ACOXL: variants seen among roughly 807,000 people sequenced by gnomAD.
The protein encoded by ACOXL is acyl-coenzyme A oxidase-like protein.
ACOXL carries 70 observed loss-of-function variants against 71.9 expected under a neutral mutation model. The observed-to-expected ratio is 0.97, with a 90% confidence interval of 0.80 to 1.19. The LOEUF is 1.19. Among genes scored for constraint, ACOXL ranks in the 50% most tolerant of loss-of-function variants. The pLI, the probability that ACOXL is intolerant of heterozygous loss-of-function variation, is 0.00. For missense variants in ACOXL, 703 were observed against 736.3 expected (o/e 0.95, Z 0.52); for synonymous variants, 253 against 281.6 (o/e 0.90, Z 1.02).
At chr2:110,783,934 T>C (rs537642166) in intron 2 of ACOXL, among the ~76,000 whole-genome samples, 2 of 152,338 alleles carry the variant, frequency 1.3e-5, no homozygotes, top group African/African-American at 4.8e-5. Context: ...CATTTGTCAC[T>C]GGTGGAGAAG....
At chr2:110,869,857 C>T (rs1413114400) in intron 10 of ACOXL, among the ~76,000 whole-genome samples, 1 of 152,256 alleles carries the variant, frequency 6.6e-6, no homozygotes, top group Non-Finnish European at 1.5e-5. Flanking sequence ...CCTGTGTGAA[C>T]CTAGCCACTG....
chr2:111,092,719 A>G (rs374754567), intron 16 of ACOXL, 146 bp from the exon 17 acceptor site: 70 of 610,904 alleles, frequency 1.1e-4, no homozygotes, highest in African/African-American at 9.6e-4. Flanking sequence ...CACATCCAAA[A>G]CATGGCCATT....
intron 11 of ACOXL, among the ~76,000 whole-genome samples, chr2:110,909,603 T>C (rs1365854662): frequency 6.6e-6 from 1 of 152,088 alleles, no homozygotes; most frequent in Admixed American, 6.6e-5. Context: ...GCAATTTTGC[T>C]TCTCAGTGTT....
At chr2:110,842,637 G>A (rs943407988) in intron 10 of ACOXL, among the ~76,000 whole-genome samples, 1 of 152,158 alleles carries the variant, frequency 6.6e-6, no homozygotes, top group African/African-American at 2.4e-5. Flanking sequence ...AACTGGGTGG[G>A]GGATTGGGGA....
chr2:110,898,896 G>A (rs972918603), intron 10 of ACOXL, among the ~76,000 whole-genome samples: 3 of 151,920 alleles, frequency 2.0e-5, no homozygotes, highest in South Asian at 4.2e-4. Context: ...AAAGTCATAG[G>A]GTGCAAAAAT....
intron 9 of ACOXL, among the ~76,000 whole-genome samples, chr2:110,828,576 G>A (rs1241435140): frequency 1.3e-5 from 2 of 152,328 alleles, no homozygotes; most frequent in African/African-American, 2.4e-5. Flanking sequence ...AAGAGACAGA[G>A]TGTGAGCGTT....
At chr2:110,917,956 A>G (rs190583150) in intron 11 of ACOXL, among the ~76,000 whole-genome samples, 48 of 152,332 alleles carry the variant, frequency 3.2e-4, no homozygotes, top group African/African-American at 1.2e-3. Flanking sequence ...GGAAGAATCA[A>G]TTTGTCGTGA....
intron 11 of ACOXL, among the ~76,000 whole-genome samples, chr2:110,922,745 C>CAAATG (rs1574135742): frequency 1.3e-5 from 2 of 152,134 alleles, no homozygotes; most frequent in East Asian, 3.8e-4. Context: ...GAGACGTAGA[C>CAAATG]AAATGTCACA....
At chr2:111,009,649 A>C (rs1386404300) in intron 14 of ACOXL, among the ~76,000 whole-genome samples, 3 of 152,226 alleles carry the variant, frequency 2.0e-5, no homozygotes, top group African/African-American at 7.2e-5. Flanking sequence ...ATACCACTCA[A>C]ATCCATGACT....
chr2:110,983,265 G>T (rs1188965707), intron 12 of ACOXL, among the ~76,000 whole-genome samples: 1 of 152,184 alleles, frequency 6.6e-6, no homozygotes, highest in African/African-American at 2.4e-5. Context: ...GGAAATGCTG[G>T]TTGCTTCATA....
At chr2:110,755,444 A>C (rs904506901) in intron 1 of ACOXL, among the ~76,000 whole-genome samples, 11 of 152,212 alleles carry the variant, frequency 7.2e-5, no homozygotes, top group Non-Finnish European at 1.3e-4. Context: ...AAGATTGTTA[A>C]ATGTGGCGGT....
At chr2:111,048,603 T>C (rs957436483) in intron 15 of ACOXL, among the ~76,000 whole-genome samples, 2 of 152,208 alleles carry the variant, frequency 1.3e-5, no homozygotes, top group African/African-American at 2.4e-5. Context: ...GTAAATTTTC[T>C]AGATTAATAT....
intron 17 of ACOXL, among the ~76,000 whole-genome samples, chr2:111,095,929 CT>C (rs2068776655): frequency 1.3e-5 from 2 of 152,212 alleles, no homozygotes. Flanking sequence ...CAAATCCTTC[CT>C]TTCCCACTGC....
chr2:110,841,324 A>G (rs1691149734), intron 9 of ACOXL, 47 bp from the exon 10 acceptor site: 1 of 1,459,254 alleles, frequency 6.9e-7, no homozygotes, highest in Non-Finnish European at 9.5e-7. Flanking sequence ...TGAATTCTGC[A>G]TACTCTTGAT....
At chr2:111,018,722 G>A (rs1476961335) in intron 14 of ACOXL, among the ~76,000 whole-genome samples, 2 of 151,834 alleles carry the variant, frequency 1.3e-5, no homozygotes, top group Non-Finnish European at 1.5e-5. Context: ...GGGGGTGTTG[G>A]TGGGACTTGG....
At chr2:110,843,530 T>C (rs1017973019) in intron 10 of ACOXL, among the ~76,000 whole-genome samples, 2 of 152,186 alleles carry the variant, frequency 1.3e-5, no homozygotes, top group Admixed American at 1.3e-4. Context: ...GGGTGGATCC[T>C]GGCGGCTTCA....
At chr2:111,082,055 A>T (rs1305202868) in intron 16 of ACOXL, among the ~76,000 whole-genome samples, 2 of 152,198 alleles carry the variant, frequency 1.3e-5, no homozygotes, top group Non-Finnish European at 2.9e-5. Flanking sequence ...AAGACCTAAA[A>T]CCATAAAAAT....
chr2:110,940,109 T>C (rs1237400945), intron 12 of ACOXL, among the ~76,000 whole-genome samples: 2 of 152,222 alleles, frequency 1.3e-5, no homozygotes, highest in East Asian at 1.9e-4. Context: ...AAAAGGAATT[T>C]TATGAAACAG....
At chr2:110,772,683 C>T (rs1045174600) in intron 2 of ACOXL, among the ~76,000 whole-genome samples, 7 of 152,250 alleles carry the variant, frequency 4.6e-5, no homozygotes, top group East Asian at 3.8e-4. Context: ...ATGATCCACA[C>T]GAGTGAGGGG....
Sources: allele counts gnomAD v4.1 joint callset (sites outside exome capture counted in the v4.1 genomes callset), GRCh38; gene constraint gnomAD v4.1.1; transcripts MANE v1.5; gene names NCBI Gene and HGNC (gene_info 2026-07-23, HGNC 2026-07-21).